The following MAN1A1 variants were observed in gnomAD, a reference collection of about 807,000 sequenced individuals.
MAN1A1 encodes the protein mannosyl-oligosaccharide 1,2-alpha-mannosidase IA.
A neutral mutation model predicts 70.8 loss-of-function variants in MAN1A1; 29 were observed. That is an observed-to-expected ratio of 0.41 (90% CI 0.31 to 0.56). MAN1A1 has a LOEUF of 0.56. Among genes scored for constraint, MAN1A1 ranks in the 20% least tolerant of loss-of-function variants. The probability of loss-of-function intolerance (pLI) is 0.29; values close to 1 mark genes in which losing one functional copy is unlikely to be tolerated. For missense variants in MAN1A1, 747 were observed against 841.3 expected (o/e 0.89, Z 1.39); for synonymous variants, 349 against 330.1 (o/e 1.06, Z -0.62).
chr6:119,228,098 A>G (rs984726907), intron 6 of MAN1A1, among the ~76,000 whole-genome samples: 1 of 152,236 alleles, frequency 6.6e-6, no homozygotes, highest in African/African-American at 2.4e-5. Flanking sequence ...ATATTCAACT[A>G]AAAGTTAAAC....
chr6:119,269,872 G>C (rs1448576953), intron 5 of MAN1A1, among the ~76,000 whole-genome samples: 3 of 152,204 alleles, frequency 2.0e-5, no homozygotes, highest in Middle Eastern at 3.4e-3. Flanking sequence ...TGCTGTCCAG[G>C]CTGGTTTTGA....
chr6:119,180,272 G>A (rs1377554331), intron 12 of MAN1A1, 40 bp downstream of exon 12: 2 of 1,376,064 alleles, frequency 1.5e-6, no homozygotes, highest in East Asian at 2.3e-5. Context: ...GATCTGTTCA[G>A]GTACCTTAGC....
chr6:119,291,721 T>A (rs1166548626), intron 4 of MAN1A1, among the ~76,000 whole-genome samples: 1 of 152,016 alleles, frequency 6.6e-6, no homozygotes, highest in African/African-American at 2.4e-5. Context: ...TTCCAACTTT[T>A]TGCCTTTGGC....
chr6:119,229,980 T>C (rs901223107), intron 6 of MAN1A1, among the ~76,000 whole-genome samples: 4 of 152,190 alleles, frequency 2.6e-5, no homozygotes, highest in African/African-American at 9.6e-5. Flanking sequence ...GTCAAATACC[T>C]GCTCTTTCTC....
chr6:119,301,605 C>T (rs943196135), intron 4 of MAN1A1, among the ~76,000 whole-genome samples: 1 of 152,184 alleles, frequency 6.6e-6, no homozygotes, highest in African/African-American at 2.4e-5. Flanking sequence ...CATGGACCTA[C>T]ATCAGAATCA....
At chr6:119,201,386 A>G (rs902749775) in intron 7 of MAN1A1, 39 bp from the exon 8 acceptor site, 4 of 1,412,528 alleles carry the variant, frequency 2.8e-6, no homozygotes, top group Non-Finnish European at 3.0e-6. Context: ...AAAATCTAAA[A>G]AACAATTTTC....
chr6:119,188,534 A>C lies in MAN1A1; in HGVS notation c.1590T>G (p.Val530=), dbSNP rs553233916. 65 of 1,613,888 alleles carry C rather than the reference A, an allele frequency of 4.0e-5. 2 individuals are homozygous for C. In the South Asian group the frequency reaches 7.1e-4, roughly 18 times the overall value. ...GPEAFRFDGG[V]EAIATRQNEK... ...CATTTTGTCTTGTAGCGATGGCTTC[A>C]ACACCACCATCAAATCTGAAAGCTT... Residue 530 remains valine (V), a synonymous_variant, in exon 11 of 13, where the codon GTT becomes GTG. Coordinates refer to ENST00000368468, the MANE Select transcript of MAN1A1 (RefSeq NM_005907.4).
intron 5 of MAN1A1, among the ~76,000 whole-genome samples, chr6:119,273,408 T>C (rs1316949616): frequency 1.3e-5 from 2 of 152,150 alleles, no homozygotes; most frequent in Non-Finnish European, 1.5e-5. Flanking sequence ...ATTTACCATA[T>C]CCATACTTGC....
intron 2 of MAN1A1, among the ~76,000 whole-genome samples, chr6:119,342,013 T>G (rs868682438): frequency 6.6e-6 from 1 of 152,330 alleles, no homozygotes; most frequent in East Asian, 1.9e-4. Context: ...CGACTGTGAC[T>G]ACTCTGAAAG....
chr6:119,348,399 G>A (rs1033173935), intron 2 of MAN1A1, 64 bp downstream of exon 2: 1 of 1,442,926 alleles, frequency 6.9e-7, no homozygotes, highest in African/African-American at 1.4e-5. Context: ...GAGTTTCAAA[G>A]GCTTGCCGTT....
intron 5 of MAN1A1, among the ~76,000 whole-genome samples, chr6:119,251,047 G>C (rs1191745023): frequency 6.6e-6 from 1 of 152,056 alleles, no homozygotes; most frequent in Non-Finnish European, 1.5e-5. Flanking sequence ...GAAATGTCTT[G>C]TATGCAGTTC....
intron 5 of MAN1A1, among the ~76,000 whole-genome samples, chr6:119,290,020 T>C (rs933474941): frequency 6.6e-6 from 1 of 152,062 alleles, no homozygotes; most frequent in Non-Finnish European, 1.5e-5. Flanking sequence ...ACGATATTCA[T>C]AAAGTTGTCC....
chr6:119,237,492 A>G (rs898466695), intron 6 of MAN1A1, among the ~76,000 whole-genome samples: 6 of 152,094 alleles, frequency 3.9e-5, no homozygotes, highest in Non-Finnish European at 7.4e-5. Flanking sequence ...GCCGTCAGTC[A>G]GTAATACTTC....
rs1425888069 is a variant in MAN1A1 at position 119,186,364 on chromosome 6, C to T, written c.1719+2041G>A. Among the ~76,000 whole-genome samples, 7 of 151,986 alleles carry T rather than the reference C, an allele frequency of 4.6e-5. No homozygotes were observed. In the East Asian group the frequency reaches 5.8e-4, roughly 13 times the overall value. Reference sequence around the variant, plus strand: ...AATAAAGCATGAGACAAGGGTTGGACGCAGGATGCAGGAAGTCTATCAGGG... The same window carrying T: ...AATAAAGCATGAGACAAGGGTTGGATGCAGGATGCAGGAAGTCTATCAGGG... On this transcript the variant is annotated intron_variant, in intron 11 of 12. Transcript: ENST00000368468.
chr6:119,288,459 C>T (rs188809646), intron 5 of MAN1A1, among the ~76,000 whole-genome samples: 1 of 151,972 alleles, frequency 6.6e-6, no homozygotes, highest in East Asian at 1.9e-4. Context: ...TAAATGAATG[C>T]TCATTTAAAA....
chr6:119,267,853 T>G (rs1266520712), intron 5 of MAN1A1, among the ~76,000 whole-genome samples: 1 of 152,248 alleles, frequency 6.6e-6, no homozygotes, highest in African/African-American at 2.4e-5. Flanking sequence ...TTTTTTCTTT[T>G]CTTTTCCTTA....
intron 6 of MAN1A1, among the ~76,000 whole-genome samples, chr6:119,229,766 A>T (rs1562201804): frequency 6.6e-6 from 1 of 152,300 alleles, no homozygotes; most frequent in Middle Eastern, 3.4e-3. Flanking sequence ...GAAAACAAAC[A>T]GATAAAGATA....
In MAN1A1 at chr6:119,204,877, A is replaced by G. The variant is rs1368372378; in HGVS notation, c.998T>C (p.Ile333Thr). 2 of 1,613,798 alleles carry G rather than the reference A, an allele frequency of 1.2e-6. No homozygotes were observed. The highest frequency in any genetic ancestry group is 1.7e-6 in the Non-Finnish European group (2 of 1,179,844). ...PWALLNMKSGIGRNWPWASGG... is the reference protein window; with the variant it reads ...PWALLNMKSGTGRNWPWASGG... ...AGAGGCCCAGGGCCAGTTCCTTCCA[A>G]TACCACTAAAGAAGAGATGACGTCG... Residue 333 changes from isoleucine to threonine, a missense_variant, in exon 7 of 13, where the codon ATT (isoleucine) becomes ACT (threonine). Physicochemically the swap from Ile to Thr is moderately conservative, Grantham distance 89. Around this residue, in one of 2 missense-constraint regions of MAN1A1, gnomAD observed 419 missense variants for 548.2 expected, o/e 0.76. Transcript: ENST00000368468.
chr6:119,326,490 C>T (rs1226819657), intron 2 of MAN1A1, among the ~76,000 whole-genome samples: 2 of 152,194 alleles, frequency 1.3e-5, no homozygotes, highest in African/African-American at 2.4e-5. Flanking sequence ...CATGCAGGCT[C>T]GGATGCCTGC....
Sources: allele counts gnomAD v4.1 joint callset (sites outside exome capture counted in the v4.1 genomes callset), GRCh38; gene constraint gnomAD v4.1.1; regional missense constraint gnomAD v4.1.1; transcripts MANE v1.5; gene names NCBI Gene and HGNC (gene_info 2026-07-23, HGNC 2026-07-21).